NEXMIF: variants seen among roughly 807,000 people sequenced by gnomAD.
The protein encoded by NEXMIF is neurite extension and migration factor, also known as XLMR protein related to neurite extension.
In NEXMIF, 8 loss-of-function variants were observed where a neutral mutation model predicts 62.1. The ratio of observed to expected loss-of-function variants is 0.13; its 90% confidence interval spans 0.08 to 0.23. The LOEUF (loss-of-function observed/expected upper bound fraction) is 0.23, where lower values mean the gene tolerates loss of function less well. Among genes scored for constraint, NEXMIF ranks in the 10% least tolerant of loss-of-function variants. The pLI is 1.00. For synonymous variants in NEXMIF, 404 were observed against 416.6 expected (o/e 0.97, Z 0.37); for missense variants, 976 against 1,113.3 (o/e 0.88, Z 1.75).
intron 1 of NEXMIF, among the ~76,000 whole-genome samples, chrX:74,864,648 C>A (rs1262743511): frequency 5.3e-5 from 6 of 112,244 alleles, no homozygotes; most frequent in Non-Finnish European, 1.1e-4. Flanking sequence ...GCCTTCCCAG[C>A]CATGGGGAAC....
At chrX:74,838,417 G>A (rs2080463935) in intron 1 of NEXMIF, among the ~76,000 whole-genome samples, 1 of 111,851 alleles carries the variant, frequency 8.9e-6, no homozygotes, top group Non-Finnish European at 1.9e-5. Context: ...ATCAAAGTGG[G>A]GTAAATTTAC....
intron 1 of NEXMIF, among the ~76,000 whole-genome samples, chrX:74,907,187 C>T (rs755598646): frequency 3.6e-5 from 4 of 111,955 alleles, no homozygotes; most frequent in Admixed American, 2.8e-4. Flanking sequence ...TACAGTCAAA[C>T]AAGATATGAA....
rs199768860 is a variant in NEXMIF at position 74,793,215 on chromosome X, A to T, written c.-47-47518T>A. Reference sequence around the variant, plus strand: ...GCATTTGCTTGTCTGTAAAGTATTTAATTTCTCCTTCACTTATGAAGCTTA... The same window carrying T: ...GCATTTGCTTGTCTGTAAAGTATTTTATTTCTCCTTCACTTATGAAGCTTA... On this transcript the variant is annotated intron_variant, in intron 1 of 3. Coordinates refer to ENST00000055682, the MANE Select transcript of NEXMIF (RefSeq NM_001008537.3). 2.2e-3 allele frequency among the ~76,000 whole-genome samples: 236 copies of T among 107,798 alleles called. 2 individuals carry two copies. The highest frequency in any genetic ancestry group is 7.4e-3 in the African/African-American group (217 of 29,413). The allele number at this position is 107,798 out of a possible 115,157, so 93.6% of individuals were successfully genotyped here.
At chrX:74,838,546 A>G (rs1324153418) in intron 1 of NEXMIF, among the ~76,000 whole-genome samples, 1 of 112,663 alleles carries the variant, frequency 8.9e-6, no homozygotes, top group Non-Finnish European at 1.9e-5. Flanking sequence ...CTCATCAACC[A>G]GTTTGCCAAT....
chrX:74,885,608 ATC>A (rs760646510), intron 1 of NEXMIF, among the ~76,000 whole-genome samples: 5 of 111,774 alleles, frequency 4.5e-5, no homozygotes, highest in Admixed American at 1.9e-4. Context: ...AAGAAGTTGA[ATC>A]TCTGAATAGA....
chrX:74,850,995 T>C (rs1015759830), intron 1 of NEXMIF, among the ~76,000 whole-genome samples: 5 of 109,334 alleles, frequency 4.6e-5, no homozygotes, highest in African/African-American at 1.7e-4. Flanking sequence ...AGTATATTAA[T>C]GAGAAATTTA....
chrX:74,779,952 A>T (rs2080241206), intron 1 of NEXMIF, among the ~76,000 whole-genome samples: 1 of 111,274 alleles, frequency 9.0e-6, no homozygotes, highest in Non-Finnish European at 1.9e-5. Flanking sequence ...TGGGACACAG[A>T]TTTATATAGT....
chrX:74,807,144 C>A (rs765973975), intron 1 of NEXMIF, among the ~76,000 whole-genome samples: 1 of 112,289 alleles, frequency 8.9e-6, no homozygotes, highest in Non-Finnish European at 1.9e-5. Flanking sequence ...GAAGTGACAT[C>A]TTGACAACAT....
At chrX:74,849,506 C>T (rs1362709031) in intron 1 of NEXMIF, among the ~76,000 whole-genome samples, 1 of 112,275 alleles carries the variant, frequency 8.9e-6, no homozygotes, top group East Asian at 2.8e-4. Context: ...GGAGATCACA[C>T]TGAGACCCAC....
chrX:74,779,567 C>G (rs773191669), intron 1 of NEXMIF, among the ~76,000 whole-genome samples: 5 of 111,428 alleles, frequency 4.5e-5, no homozygotes, highest in African/African-American at 1.6e-4. Context: ...ATGCACAACA[C>G]CTGACATGTT....
rs759923242 is a variant in NEXMIF at position 74,864,597 on chromosome X, C to T, written c.-48+60286G>A. On this transcript the variant is annotated intron_variant, in intron 1 of 3. Transcript: ENST00000055682. ...TGCTCTTGCCTGCTGCCATGTAAGA[C>T]GTGCCTTTACTCCTCCTTTGCCTTC... Among the ~76,000 whole-genome samples the T allele has an allele frequency of 1.2e-3, 135 of 112,426 alleles. 1 individual carries two copies. The highest frequency in any genetic ancestry group is 2.3e-3 in the Non-Finnish European group (123 of 53,243).
intron 1 of NEXMIF, among the ~76,000 whole-genome samples, chrX:74,889,808 A>G (rs1189162020): frequency 9.0e-6 from 1 of 111,534 alleles, no homozygotes; most frequent in Non-Finnish European, 1.9e-5. Flanking sequence ...CATCTCAGAG[A>G]TAGCTTAATA....
intron 1 of NEXMIF, among the ~76,000 whole-genome samples, chrX:74,845,470 A>G (rs2080488961): frequency 9.0e-6 from 1 of 111,705 alleles, no homozygotes; most frequent in Non-Finnish European, 1.9e-5. Flanking sequence ...ACATGTTGGT[A>G]TACAATAGAT....
Position 74,742,584 on chromosome X carries a change from T to C in NEXMIF, c.1973A>G (p.Asp658Gly). 8.3e-7 allele frequency: 1 copy of C among 1,209,852 alleles called. No individual in the cohort carries two copies. Among genetic ancestry groups the C allele is most frequent in the Non-Finnish European group, 1.1e-6 (1 of 894,339 alleles). The stretch of plus-strand genomic sequence containing the variant: ...TTTATGATTACTAGCGTGCCTCTGA[T>C]CATTACATAATGAAATCTGTTTACT... ...ASSKQISLCNDQRHASNHKED... is the reference protein window; with the variant it reads ...ASSKQISLCNGQRHASNHKED... Residue 658 changes from aspartate (D) to glycine (G), a missense_variant, in exon 3 of 4, where the codon GAT becomes GGT. By Grantham distance (94) the Asp-to-Gly change is moderately conservative. This residue lies in a region of NEXMIF where 639 missense variants were observed against 694.5 expected (regional missense o/e 0.92). Coordinates refer to ENST00000055682, the MANE Select transcript of NEXMIF (RefSeq NM_001008537.3).
intron 1 of NEXMIF, among the ~76,000 whole-genome samples, chrX:74,801,130 A>G (rs1333817148): frequency 8.9e-6 from 1 of 111,871 alleles, no homozygotes; most frequent in African/African-American, 3.2e-5. Flanking sequence ...AAGTTTCTCC[A>G]TGTCTTTTTG....
chrX:74,864,951 T>A (rs1450192510), intron 1 of NEXMIF, among the ~76,000 whole-genome samples: 2 of 111,849 alleles, frequency 1.8e-5, no homozygotes, highest in Non-Finnish European at 3.8e-5. Context: ...TCAGGTGATC[T>A]GCCCACCTTG....
intron 1 of NEXMIF, among the ~76,000 whole-genome samples, chrX:74,893,530 A>G (rs1193255385): frequency 1.8e-5 from 2 of 112,379 alleles, no homozygotes; most frequent in Non-Finnish European, 3.8e-5. Flanking sequence ...TGTGCAATGT[A>G]AAAATTGTTA....
At chrX:74,887,823 G>T (rs1485331544) in intron 1 of NEXMIF, among the ~76,000 whole-genome samples, 1 of 111,976 alleles carries the variant, frequency 8.9e-6, no homozygotes, top group African/African-American at 3.2e-5. Flanking sequence ...TATAAATCAT[G>T]CTGCTATAAA....
chrX:74,809,924 C>T (rs993609264), intron 1 of NEXMIF, among the ~76,000 whole-genome samples: 1 of 111,448 alleles, frequency 9.0e-6, no homozygotes, highest in Non-Finnish European at 1.9e-5. Flanking sequence ...AACAGTGGAA[C>T]CCGGGAAACT....
Sources: gnomAD v4.1 joint callset for allele counts (sites outside exome capture counted in the v4.1 genomes callset) on GRCh38, gnomAD v4.1.1 for gene constraint, gnomAD v4.1.1 regional missense constraint, MANE v1.5 for transcripts, NCBI Gene and HGNC (gene_info 2026-07-23, HGNC 2026-07-21) for gene names.